The following MYO15B variants were observed in gnomAD, a reference collection of about 807,000 sequenced individuals.
MYO15B encodes myosin XVB, also known as myosin XVB pseudogene.
Under a neutral mutation model 119.3 loss-of-function variants are expected in MYO15B, and 207 were observed. The observed-to-expected ratio is 1.73, with a 90% CI of 1.55 to 1.95. The LOEUF (loss-of-function observed/expected upper bound fraction) is 1.95. Among genes scored for constraint, MYO15B ranks in the 30% most tolerant of loss-of-function variants. The pLI, the probability that MYO15B is intolerant of heterozygous loss-of-function variation, is 0.00. For synonymous variants in MYO15B, 966 were observed against 498.9 expected, an observed-to-expected ratio of 1.94 and a Z score of -12.48; for missense variants, 2,264 against 1,203.1, an observed-to-expected ratio of 1.88 and a Z score of -13.04.
chr17:75,599,978 G>A (rs2057142460), intron 14 of MYO15B, among the ~76,000 whole-genome samples: 1 of 150,754 alleles, frequency 6.6e-6, no homozygotes. Flanking sequence ...AGGAATGGTT[G>A]CTAAATCTGT....
At chr17:75,601,633 G>A (rs189430738) in intron 15 of MYO15B, 70 bp downstream of exon 15, 41 of 674,160 alleles carry the variant, frequency 6.1e-5, no homozygotes, top group African/African-American at 3.0e-4. Context: ...TGAGTCACCC[G>A]ACAGCGGAGA....
At chr17:75,597,619 T>C (rs1378406661) in intron 14 of MYO15B, among the ~76,000 whole-genome samples, 1 of 152,174 alleles carries the variant, frequency 6.6e-6, no homozygotes, top group Non-Finnish European at 1.5e-5. Context: ...AGGAGAGAAA[T>C]GTTCATTTAA....
chr17:75,603,278 C>A (rs781283107), exon 19 of MYO15B: 1 of 703,116 alleles, frequency 1.4e-6, no homozygotes, highest in South Asian at 1.5e-5. Context: ...TGCCAACTTC[C>A]CCGTGCGTGT....
Position 75,617,940 on chromosome 17 carries a change from G to A in MYO15B, c.6927+18G>A. The A allele has an allele frequency of 1.4e-6, 1 of 702,226 alleles. No homozygotes were observed. The highest frequency in any genetic ancestry group is 2.3e-4 in the Middle Eastern group (1 of 4,358). 43.5% of individuals were successfully genotyped at this position (702,226 alleles called of 1,614,324 possible). A position where few individuals can be genotyped will look rare whatever the true frequency, so the allele number is the denominator to read the frequency against. Reference sequence around the variant, plus strand: ...GCAAGGAGGTGGGCATGAGGGTGGGGCCTTGGCCTGGCCTCTTTGGGCTGG... The same window carrying A: ...GCAAGGAGGTGGGCATGAGGGTGGGACCTTGGCCTGGCCTCTTTGGGCTGG... On this transcript the variant is annotated intron_variant, in intron 42 of 63. Coordinates refer to ENST00000645453, the Ensembl canonical transcript of MYO15B.
intron 10 of MYO15B, 38 bp from the exon 11 acceptor site, chr17:75,594,663 A>G (rs555741318): frequency 1.3e-4 from 93 of 702,092 alleles, no homozygotes; most frequent in Non-Finnish European, 2.2e-4. Context: ...TGAGGGCTGC[A>G]GGCCTGACAC....
intron 53 of MYO15B, among the ~76,000 whole-genome samples, chr17:75,622,680 T>C (rs1262952643): frequency 1.3e-5 from 2 of 152,156 alleles, no homozygotes; most frequent in African/African-American, 4.8e-5. Flanking sequence ...AAGGAAGTTA[T>C]TGCAGTGGTC....
exon 15 of MYO15B, chr17:75,601,531 G>T (rs866725429): frequency 2.8e-6 from 2 of 703,024 alleles, no homozygotes; most frequent in African/African-American, 1.7e-5. Flanking sequence ...CGTGTTCACC[G>T]TGCGACATTA....
intron 51 of MYO15B, 27 bp downstream of exon 51, chr17:75,621,435 G>T: frequency 1.4e-6 from 1 of 699,336 alleles, no homozygotes; most frequent in South Asian, 1.5e-5. Context: ...GAGGGGTCTG[G>T]CCCGTAGATC....
chr17:75,625,076 G>C, intron 59 of MYO15B, 47 bp from the exon 60 acceptor site: 1 of 664,476 alleles, frequency 1.5e-6, no homozygotes, highest in Non-Finnish European at 2.8e-6. Flanking sequence ...CCAACTGATG[G>C]GGGGCTTTGG....
At chr17:75,615,734 G>T (rs1211954306) in exon 36 of MYO15B, 2 of 699,226 alleles carry the variant, frequency 2.9e-6, no homozygotes, top group Non-Finnish European at 2.6e-6. Context: ...TGTCCCTGGA[G>T]CAGCAGATGC....
At chr17:75,611,793 G>T in intron 24 of MYO15B, 93 bp from the exon 25 acceptor site, 1 of 693,082 alleles carries the variant, frequency 1.4e-6, no homozygotes, top group South Asian at 1.5e-5. Flanking sequence ...CTGTGGACAG[G>T]GGCTGATGGC....
chr17:75,591,068 C>T (rs2056411174), intron 3 of MYO15B, 52 bp downstream of exon 3: 1 of 680,292 alleles, frequency 1.5e-6, no homozygotes, highest in Non-Finnish European at 2.7e-6. Flanking sequence ...GCAGCCCAGT[C>T]CCTGCATGTC....
chr17:75,618,141 G>GAGGT lies in MYO15B; in HGVS notation c.6945_6946insGTAG (p.Asn2316ValfsTer14). The GAGGT allele has an allele frequency of 1.4e-6, 1 of 703,290 alleles. No homozygotes were observed. Among genetic ancestry groups the GAGGT allele is most frequent in the South Asian group, 1.5e-5 (1 of 67,606 alleles). 43.6% of individuals were successfully genotyped at this position (703,290 alleles called of 1,614,324 possible). On this transcript the variant is annotated frameshift_variant, in exon 43 of 64. Coordinates refer to ENST00000645453, the Ensembl canonical transcript of MYO15B. LOFTEE classifies it high-confidence loss of function. ...CCTCCTCCAGGTGTTCTACCCACGG[G>GAGGT]AGAACTTCAGCCATCCCTACTACCT...
At chr17:75,612,554 A>G (rs1470902848) in intron 25 of MYO15B, among the ~76,000 whole-genome samples, 1 of 151,878 alleles carries the variant, frequency 6.6e-6, no homozygotes, top group Non-Finnish European at 1.5e-5. Context: ...AGTCCCAGCT[A>G]CTCAGGAGGC....
At chr17:75,626,512 G>A (rs2059079349) in exon 64 of MYO15B, 1 of 703,016 alleles carries the variant, frequency 1.4e-6, no homozygotes. Context: ...GAGAGAAGAG[G>A]ATGAGGCCTC....
chr17:75,588,095 A>T, exon 1 of MYO15B: 1 of 398,296 alleles, frequency 2.5e-6, no homozygotes. Flanking sequence ...CAGCGCCTGG[A>T]GAGGCCCGGG....
intron 7 of MYO15B, 41 bp downstream of exon 7, chr17:75,592,342 A>T: frequency 1.4e-6 from 1 of 702,070 alleles, no homozygotes; most frequent in Non-Finnish European, 2.6e-6. Context: ...CAGTTCCCAG[A>T]GTAGGAAGGG....
chr17:75,608,164 G>T (rs1186296762), intron 21 of MYO15B, among the ~76,000 whole-genome samples: 3 of 152,054 alleles, frequency 2.0e-5, no homozygotes, highest in African/African-American at 7.2e-5. Context: ...TGTCACCCAG[G>T]CTGGAGTGCA....
chr17:75,594,797 G>A (rs889533899), intron 11 of MYO15B, 38 bp downstream of exon 11: 72 of 702,864 alleles, frequency 1.0e-4, no homozygotes, highest in Admixed American at 4.2e-4. Context: ...AGCAGGGCCC[G>A]AGGCACGGCT....
Sources: allele counts gnomAD v4.1 joint callset (sites outside exome capture counted in the v4.1 genomes callset), GRCh38; gene constraint gnomAD v4.1.1; transcripts MANE v1.5; gene names NCBI Gene and HGNC (gene_info 2026-07-23, HGNC 2026-07-21).